Variants in RBFOX1 observed in about 807,000 individuals in gnomAD.
RBFOX1 encodes the protein RNA binding fox-1 homolog 1.
RBFOX1 carries 8 observed loss-of-function variants against 57.7 expected under a neutral mutation model. That is an observed-to-expected ratio of 0.14 (90% CI 0.08 to 0.25). RBFOX1 has a LOEUF of 0.25. RBFOX1 is among the 10% of genes least tolerant of loss of function. The probability of loss-of-function intolerance (pLI) is 1.00; values close to 1 mark genes in which losing one functional copy is unlikely to be tolerated. For synonymous variants in RBFOX1, 326 were observed against 222.4 expected (o/e 1.47, Z -4.15); for missense variants, 611 against 548.5 (o/e 1.11, Z -1.14).
chr16:6,855,402 A>T (rs2056819232), intron 3 of RBFOX1, among the ~76,000 whole-genome samples: 2 of 152,066 alleles, frequency 1.3e-5, no homozygotes, highest in African/African-American at 4.8e-5. Flanking sequence ...CTGTAATCCC[A>T]GCACTTTGGG....
chr16:7,038,875 C>G lies in RBFOX1; in HGVS notation c.-15-13182C>G, dbSNP rs567169948. 1.7e-4 allele frequency among the ~76,000 whole-genome samples: 26 copies of G among 152,264 alleles called. No homozygotes were observed. The South Asian group carries it at 4.1e-3, about 24-fold the overall frequency. On this transcript the variant is annotated intron_variant, in intron 3 of 15. Coordinates refer to ENST00000550418, the MANE Select transcript of RBFOX1 (RefSeq NM_018723.4). Reference sequence around the variant, plus strand: ...AAAAGCACTTCCTCCCAAGAAAACACCTCATTAAAACGTGTAATTTGAGGT... The same window carrying G: ...AAAAGCACTTCCTCCCAAGAAAACAGCTCATTAAAACGTGTAATTTGAGGT...
chr16:5,530,748 A>C (rs1384571598), intron 2 of RBFOX1, among the ~76,000 whole-genome samples: 1 of 151,982 alleles, frequency 6.6e-6, no homozygotes, highest in Non-Finnish European at 1.5e-5. Flanking sequence ...TGAGGGGCAA[A>C]ACTATCCCCA....
intron 1 of RBFOX1, among the ~76,000 whole-genome samples, chr16:6,226,203 C>CAAAA (rs543386716): frequency 1.8e-3 from 184 of 99,942 alleles, no homozygotes; most frequent in African/African-American, 6.7e-3. Flanking sequence ...ACTAAAAATA[C>CAAAA]AAAAAAAAAA....
At chr16:7,462,162 G>A (rs556656206) in intron 4 of RBFOX1, among the ~76,000 whole-genome samples, 5 of 152,322 alleles carry the variant, frequency 3.3e-5, no homozygotes, top group African/African-American at 7.2e-5. Context: ...CCCAGCCTTC[G>A]GAGGGAAACA....
intron 4 of RBFOX1, among the ~76,000 whole-genome samples, chr16:5,907,382 C>G (rs1298668472): frequency 6.6e-6 from 1 of 152,074 alleles, no homozygotes; most frequent in Non-Finnish European, 1.5e-5. Context: ...CTTCTCCATC[C>G]AAAACCATTC....
chr16:6,808,264 C>T (rs768437602), intron 3 of RBFOX1, among the ~76,000 whole-genome samples: 3 of 151,550 alleles, frequency 2.0e-5, no homozygotes, highest in South Asian at 2.1e-4. Flanking sequence ...TGCCCCATCA[C>T]TTTGGAATTA....
chr16:7,116,313 G>C (rs2065895279), intron 4 of RBFOX1, among the ~76,000 whole-genome samples: 1 of 152,074 alleles, frequency 6.6e-6, no homozygotes, highest in Admixed American at 6.6e-5. Flanking sequence ...TAGGAGTAAA[G>C]GAAAATTGTC....
intron 4 of RBFOX1, chr16:7,422,942 C>G (rs990002995): frequency 6.6e-6 from 1 of 152,274 alleles, no homozygotes; most frequent in African/African-American, 2.4e-5. Flanking sequence ...CTCCTGTGGC[C>G]CACACTTTTG....
chr16:7,302,193 G>A (rs2096051887), intron 4 of RBFOX1, among the ~76,000 whole-genome samples: 1 of 152,190 alleles, frequency 6.6e-6, no homozygotes, highest in African/African-American at 2.4e-5. Context: ...AGAGGTTGGA[G>A]GCACTGGTTT....
intron 4 of RBFOX1, among the ~76,000 whole-genome samples, chr16:7,133,015 A>T (rs1451378224): frequency 6.6e-6 from 1 of 152,216 alleles, no homozygotes; most frequent in East Asian, 1.9e-4. Flanking sequence ...GAAAATAAAT[A>T]AATAACCAGA....
rs531204166 is a variant in RBFOX1, at chr16:7,012,070, T to C, written c.-15-39987T>C. ...GACCTCCAAAATAATAAGTGGACTT[T>C]AGGTCAGACGTATGGAGTCACCAAT... On this transcript the variant is annotated intron_variant, in intron 3 of 15. Transcript: ENST00000550418. Among the ~76,000 whole-genome samples the C allele has an allele frequency of 7.9e-5, 12 of 152,208 alleles. No homozygotes were observed. In the South Asian group the frequency reaches 1.9e-3, roughly 24 times the overall value.
chr16:6,304,297 A>G (rs1169324187), intron 1 of RBFOX1, among the ~76,000 whole-genome samples: 1 of 151,980 alleles, frequency 6.6e-6, no homozygotes, highest in East Asian at 2.0e-4. Flanking sequence ...CAAAAAAAAG[A>G]AAGATAATTA....
chr16:5,991,251 A>G (rs568824808), intron 4 of RBFOX1, among the ~76,000 whole-genome samples: 1 of 152,282 alleles, frequency 6.6e-6, no homozygotes, highest in Admixed American at 6.5e-5. Context: ...GCAAAGTTCT[A>G]GCACAAGACC....
intron 2 of RBFOX1, among the ~76,000 whole-genome samples, chr16:5,471,144 C>T (rs902361249): frequency 6.6e-6 from 1 of 152,164 alleles, no homozygotes; most frequent in Non-Finnish European, 1.5e-5. Context: ...TGATTGATTA[C>T]TTTTAAAAAC....
At chr16:7,440,599 C>A (rs753256803) in intron 4 of RBFOX1, among the ~76,000 whole-genome samples, 1 of 152,142 alleles carries the variant, frequency 6.6e-6, no homozygotes, top group African/African-American at 2.4e-5. Context: ...TACTTTTAAT[C>A]TGGAGAGTTG....
At chr16:6,026,255 T>C (rs369918704) in intron 1 of RBFOX1, among the ~76,000 whole-genome samples, 10 of 152,208 alleles carry the variant, frequency 6.6e-5, no homozygotes, top group South Asian at 2.1e-4. Flanking sequence ...GACATCACTG[T>C]CTCCTTAGCA....
At chr16:5,971,580 A>G (rs1873768696) in intron 4 of RBFOX1, among the ~76,000 whole-genome samples, 1 of 152,232 alleles carries the variant, frequency 6.6e-6, no homozygotes, top group African/African-American at 2.4e-5. Flanking sequence ...CTAATGCACT[A>G]GCTCTTGTGG....
intron 4 of RBFOX1, among the ~76,000 whole-genome samples, chr16:7,467,929 T>G (rs1381772147): frequency 2.0e-5 from 3 of 152,226 alleles, no homozygotes; most frequent in African/African-American, 7.2e-5. Context: ...TGTCCATCAT[T>G]TGTACATTTT....
chr16:6,921,709 G>T (rs1192886424), intron 3 of RBFOX1, among the ~76,000 whole-genome samples: 4 of 151,158 alleles, frequency 2.6e-5, no homozygotes, highest in Non-Finnish European at 4.4e-5. Flanking sequence ...GTGATGGAAA[G>T]TTATACCGTG....
Sources: allele counts gnomAD v4.1 joint callset (sites outside exome capture counted in the v4.1 genomes callset), GRCh38; gene constraint gnomAD v4.1.1; transcripts MANE v1.5; gene names NCBI Gene and HGNC (gene_info 2026-07-23, HGNC 2026-07-21).